Variants in FMN1 observed in about 807,000 individuals in gnomAD.
The protein encoded by FMN1 is formin-1.
Under a neutral mutation model 132.4 loss-of-function variants are expected in FMN1, and 110 were observed. The observed-to-expected ratio is 0.83, with a 90% CI of 0.71 to 0.97. The LOEUF (loss-of-function observed/expected upper bound fraction) is 0.97, where lower values mean the gene tolerates loss of function less well. Among genes scored for constraint, FMN1 ranks in the 50% least tolerant of loss-of-function variants. The pLI is 0.00. For synonymous variants in FMN1, 722 were observed against 651.7 expected, an observed-to-expected ratio of 1.11 and a Z score of -1.64; for missense variants, 1,792 against 1,705.3, an observed-to-expected ratio of 1.05 and a Z score of -0.90.
At chr15:32,965,557 A>G (rs2031132238) in intron 8 of FMN1, among the ~76,000 whole-genome samples, 1 of 152,194 alleles carries the variant, frequency 6.6e-6, no homozygotes, top group African/African-American at 2.4e-5. Flanking sequence ...AAAGATAACT[A>G]TTATTACATG....
intron 13 of FMN1, among the ~76,000 whole-genome samples, chr15:32,901,166 A>C (rs1280693617): frequency 6.6e-6 from 1 of 152,104 alleles, no homozygotes; most frequent in African/African-American, 2.4e-5. Flanking sequence ...AAAAAAAAGA[A>C]AGAAAGAAAG....
chr15:33,060,425 A>T (rs772739800), intron 6 of FMN1, among the ~76,000 whole-genome samples: 1 of 152,244 alleles, frequency 6.6e-6, no homozygotes, highest in Non-Finnish European at 1.5e-5. Context: ...TAATGACGTA[A>T]ATTAAAATGA....
In FMN1 at chr15:33,015,575, T is replaced by G. The variant is rs924430252; in HGVS notation, c.2162-7500A>C. ...ATGTACAGTTAGGAAGTAGAAACTTTCTGAATTCTCCACTGAGTAGGAAAC... is the reference window on the plus strand; with the variant it reads ...ATGTACAGTTAGGAAGTAGAAACTTGCTGAATTCTCCACTGAGTAGGAAAC... On this transcript the variant is annotated intron_variant, in intron 6 of 20. Coordinates refer to ENST00000616417, the MANE Select transcript of FMN1 (RefSeq NM_001277313.2). 2.6e-5 allele frequency among the ~76,000 whole-genome samples: 4 copies of G among 152,190 alleles called. No individual in the cohort carries two copies. The South Asian group carries it at 6.2e-4, about 24-fold the overall frequency.
intron 17 of FMN1, among the ~76,000 whole-genome samples, chr15:32,813,163 C>T (rs2141055404): frequency 6.6e-6 from 1 of 152,252 alleles, no homozygotes; most frequent in African/African-American, 2.4e-5. Flanking sequence ...GCAATTACGA[C>T]ACCATTCTAT....
At chr15:32,777,479 A>ATAT (rs2056461472) in intron 19 of FMN1, among the ~76,000 whole-genome samples, 3 of 116,604 alleles carry the variant, frequency 2.6e-5, no homozygotes, top group African/African-American at 2.9e-5. Flanking sequence ...ATATTTATAT[A>ATAT]TTATATTTAT....
chr15:33,055,140 T>A (rs1363571845), intron 6 of FMN1, among the ~76,000 whole-genome samples: 1 of 152,176 alleles, frequency 6.6e-6, no homozygotes, highest in Non-Finnish European at 1.5e-5. Context: ...ATCTATAATC[T>A]ATTCTCTCTG....
intron 9 of FMN1, among the ~76,000 whole-genome samples, chr15:32,949,877 A>T (rs1250614893): frequency 6.8e-6 from 1 of 146,674 alleles, no homozygotes; most frequent in African/African-American, 2.5e-5. Context: ...CAACCCCATT[A>T]AAAAGTGGGC....
At chr15:33,006,647 A>G (rs1170899266) in intron 7 of FMN1, among the ~76,000 whole-genome samples, 1 of 152,238 alleles carries the variant, frequency 6.6e-6, no homozygotes. Flanking sequence ...TTGAGTGTCC[A>G]TCAATGGACA....
intron 5 of FMN1, among the ~76,000 whole-genome samples, chr15:33,073,462 G>A (rs546136674): frequency 1.3e-5 from 2 of 152,266 alleles, no homozygotes; most frequent in South Asian, 4.1e-4. Flanking sequence ...AATGTACTGG[G>A]AAAAATAAGT....
chr15:32,928,303 AT>A (rs950437504), intron 9 of FMN1, among the ~76,000 whole-genome samples: 1 of 151,968 alleles, frequency 6.6e-6, no homozygotes, highest in South Asian at 2.1e-4. Flanking sequence ...GTACTCAGTA[AT>A]TTTTTATATG....
intron 5 of FMN1, among the ~76,000 whole-genome samples, chr15:33,085,015 A>G (rs1221049744): frequency 6.6e-6 from 1 of 152,194 alleles, no homozygotes; most frequent in Non-Finnish European, 1.5e-5. Flanking sequence ...TCTCAGGCTG[A>G]TCAATATATT....
rs1025184514 is a variant in FMN1 at position 33,122,994 on chromosome 15, AAGAC to A, written c.1867+30050_1867+30053del. 5.8e-4 allele frequency among the ~76,000 whole-genome samples: 88 copies of A among 152,044 alleles called. 1 individual carries two copies. Among genetic ancestry groups the A allele is most frequent in the African/African-American group, 1.9e-3 (77 of 41,446 alleles). On this transcript the variant is annotated intron_variant, in intron 4 of 20. Transcript: ENST00000616417. ...CTAGGTAATTAATGTCACAAATAAA[AAGAC>A]AGGCCGAGAGAGGTTAAGTAATCTG...
intron 17 of FMN1, among the ~76,000 whole-genome samples, chr15:32,809,430 T>C (rs530220878): frequency 1.9e-4 from 29 of 152,290 alleles, no homozygotes; most frequent in Admixed American, 1.8e-3. Context: ...GTTCCCCCTC[T>C]GAAGACAAAG....
chr15:32,885,564 A>T (rs763607628), intron 16 of FMN1, among the ~76,000 whole-genome samples: 1 of 152,236 alleles, frequency 6.6e-6, no homozygotes, highest in African/African-American at 2.4e-5. Context: ...TATCTGCCTC[A>T]CAAGGTCACT....
At chr15:33,092,399 C>T (rs2038935053) in intron 4 of FMN1, among the ~76,000 whole-genome samples, 1 of 152,162 alleles carries the variant, frequency 6.6e-6, no homozygotes, top group African/African-American at 2.4e-5. Context: ...AATATGATCA[C>T]GCACCCACGG....
At chr15:32,839,054 C>T (rs762198243) in intron 17 of FMN1, among the ~76,000 whole-genome samples, 10 of 152,038 alleles carry the variant, frequency 6.6e-5, no homozygotes, top group East Asian at 1.9e-4. Context: ...TCCCTTGAAA[C>T]GGGACCAAAC....
chr15:33,027,835 T>C (rs1416875006), intron 6 of FMN1, among the ~76,000 whole-genome samples: 1 of 152,196 alleles, frequency 6.6e-6, no homozygotes, highest in Non-Finnish European at 1.5e-5. Context: ...GACAAGAGCA[T>C]ATGAAGAAAA....
chr15:33,147,065 T>C (rs1242802800), intron 4 of FMN1, among the ~76,000 whole-genome samples: 1 of 150,438 alleles, frequency 6.6e-6, no homozygotes, highest in Non-Finnish European at 1.5e-5. Context: ...GCTGGGAGGC[T>C]GAGGAAGGAG....
At position 32,969,359 on chromosome 15, in the gene FMN1, C is replaced by G; in HGVS notation, c.2342G>C (p.Cys781Ser). 6.2e-7 allele frequency: 1 copy of G among 1,613,970 alleles called. No individual in the cohort carries two copies. The highest frequency in any genetic ancestry group is 8.5e-7 in the Non-Finnish European group (1 of 1,179,880). The stretch of plus-strand genomic sequence containing the variant: ...AATGCACACATCTTTCCTCTCTTCA[C>G]AACCCCCTCGCCATCTGTGTTCTAG... ...HELEHRWRGGCEERKDVCIST... is the reference protein window; with the variant it reads ...HELEHRWRGGSEERKDVCIST... The change falls in exon 8 of 21, where the codon TGT (cysteine) becomes TCT (serine). Residue 781 changes from cysteine to serine, a missense_variant. Physicochemically the swap from Cys to Ser is moderately radical, Grantham distance 112. Coordinates refer to ENST00000616417, the MANE Select transcript of FMN1 (RefSeq NM_001277313.2).
Sources: gnomAD v4.1 joint callset for allele counts (sites outside exome capture counted in the v4.1 genomes callset) on GRCh38, gnomAD v4.1.1 for gene constraint, MANE v1.5 for transcripts, NCBI Gene and HGNC (gene_info 2026-07-23, HGNC 2026-07-21) for gene names.